The following MALRD1 variants were observed in gnomAD, a reference collection of about 807,000 sequenced individuals.
MALRD1 encodes MAM and LDL-receptor class A domain-containing protein 1.
A neutral mutation model predicts 242.1 loss-of-function variants in MALRD1; 247 were observed. That is an observed-to-expected ratio of 1.02 (90% CI 0.92 to 1.13). The LOEUF (loss-of-function observed/expected upper bound fraction) is 1.13. Among genes scored for constraint, MALRD1 ranks in the 50% most tolerant of loss-of-function variants. The pLI, the probability that MALRD1 is intolerant of heterozygous loss-of-function variation, is 0.00. For missense variants in MALRD1, 2,989 were observed against 2,533.1 expected, an observed-to-expected ratio of 1.18 and a Z score of -3.86; for synonymous variants, 995 against 866.6, an observed-to-expected ratio of 1.15 and a Z score of -2.60.
chr10:19,350,557 G>A (rs539928649), intron 25 of MALRD1, among the ~76,000 whole-genome samples: 1 of 152,196 alleles, frequency 6.6e-6, no homozygotes, highest in African/African-American at 2.4e-5. Context: ...GATTACAGGT[G>A]TGAGCCACCG....
chr10:19,351,906 A>T, intron 25 of MALRD1, 100 bp from the exon 26 acceptor site: 2 of 1,119,484 alleles, frequency 1.8e-6, no homozygotes, highest in Non-Finnish European at 2.5e-6. Context: ...TCCTCCAGAA[A>T]TCTGTTAATA....
chr10:19,264,166 CT>C (rs1285059035), intron 19 of MALRD1, among the ~76,000 whole-genome samples: 1 of 152,048 alleles, frequency 6.6e-6, no homozygotes, highest in East Asian at 1.9e-4. Flanking sequence ...TGTCAAATGC[CT>C]TTTCTACATT....
chr10:19,165,850 C>T, intron 13 of MALRD1, 40 bp downstream of exon 13: 2 of 1,216,268 alleles, frequency 1.6e-6, no homozygotes, highest in Non-Finnish European at 2.1e-6. Flanking sequence ...ACAGAAGACA[C>T]TTATTTAATG....
At chr10:19,169,097 C>T (rs1200359492) in intron 13 of MALRD1, among the ~76,000 whole-genome samples, 1 of 152,058 alleles carries the variant, frequency 6.6e-6, no homozygotes, top group African/African-American at 2.4e-5. Flanking sequence ...AGAGGCAAAA[C>T]CCAAGCTGCC....
At chr10:19,240,228 A>T (rs117818862) in intron 18 of MALRD1, among the ~76,000 whole-genome samples, 6,532 of 151,994 alleles carry the variant, frequency 0.043, 187 homozygotes, top group Middle Eastern at 0.072. Flanking sequence ...ATTTATCTGC[A>T]GATTTCTTGG....
intron 1 of MALRD1, among the ~76,000 whole-genome samples, chr10:19,056,822 G>A (rs1834683424): frequency 6.6e-6 from 1 of 151,952 alleles, no homozygotes; most frequent in South Asian, 2.1e-4. Flanking sequence ...GCTCCCTGTT[G>A]GTCATATGGC....
intron 21 of MALRD1, among the ~76,000 whole-genome samples, chr10:19,288,164 G>C (rs1050927569): frequency 6.6e-6 from 1 of 151,730 alleles, no homozygotes; most frequent in Non-Finnish European, 1.5e-5. Context: ...GAAACCTCTA[G>C]TTTTAATTTT....
chr10:19,441,693 C>T (rs1055980690), intron 28 of MALRD1, among the ~76,000 whole-genome samples: 3 of 152,244 alleles, frequency 2.0e-5, no homozygotes, highest in East Asian at 1.9e-4. Context: ...TGGTCTATAT[C>T]TGTTTTTTGG....
intron 36 of MALRD1, among the ~76,000 whole-genome samples, chr10:19,655,672 T>G (rs1303759520): frequency 6.6e-6 from 1 of 151,096 alleles, no homozygotes; most frequent in Non-Finnish European, 1.5e-5. Flanking sequence ...CGAAAAAAAA[T>G]ACCACTAGGA....
intron 28 of MALRD1, among the ~76,000 whole-genome samples, chr10:19,434,774 A>G (rs2130959619): frequency 6.6e-6 from 1 of 152,098 alleles, no homozygotes; most frequent in African/African-American, 2.4e-5. Context: ...CATGGCAGTG[A>G]TTAGGGCCAC....
intron 18 of MALRD1, among the ~76,000 whole-genome samples, chr10:19,252,156 A>G (rs1303574416): frequency 1.3e-5 from 2 of 152,006 alleles, no homozygotes; most frequent in Non-Finnish European, 2.9e-5. Flanking sequence ...GCAGCTGACA[A>G]CCTTGGTGTG....
chr10:19,483,206 GA>G (rs34970025), intron 29 of MALRD1, among the ~76,000 whole-genome samples: 119,721 of 148,564 alleles, frequency 0.81, 48,339 homozygotes, highest in East Asian at 0.99. Context: ...AAGAATCCTA[GA>G]AAAAAAAAAA....
At chr10:19,280,244 T>A in intron 20 of MALRD1, 21 bp downstream of exon 20, 2 of 1,462,594 alleles carry the variant, frequency 1.4e-6, no homozygotes, top group Non-Finnish European at 1.8e-6. Context: ...TCTTAAAATT[T>A]GTTTAAATAC....
At chr10:19,409,687 A>G (rs897025382) in intron 28 of MALRD1, among the ~76,000 whole-genome samples, 1 of 152,158 alleles carries the variant, frequency 6.6e-6, no homozygotes. Context: ...ACTGGATAAA[A>G]GATATTTTGA....
intron 12 of MALRD1, among the ~76,000 whole-genome samples, chr10:19,163,339 A>G (rs773408803): frequency 1.6e-4 from 25 of 152,094 alleles, no homozygotes; most frequent in Admixed American, 1.2e-3. Context: ...GAACAAGATC[A>G]TGTCTTTTGT....
At chr10:19,199,379 A>G (rs1002281339) in intron 14 of MALRD1, among the ~76,000 whole-genome samples, 1 of 152,218 alleles carries the variant, frequency 6.6e-6, no homozygotes, top group Non-Finnish European at 1.5e-5. Flanking sequence ...ATTTAACTTA[A>G]TAGAAGCTGT....
At chr10:19,520,982 A>G (rs1286775232) in intron 31 of MALRD1, among the ~76,000 whole-genome samples, 2 of 152,172 alleles carry the variant, frequency 1.3e-5, no homozygotes, top group African/African-American at 4.8e-5. Context: ...AATACTTAAC[A>G]AATGTTTCAA....
In MALRD1 at chr10:19,088,152, TGTC is replaced by T; in HGVS notation, c.565_567del (p.Val189del). Reference sequence around the variant, plus strand: ...CACTCCCAAATCAGTGGGAGAGAAATGTCATCAAAATCCAGAGTTCACAGAGAT... The same window carrying T: ...CACTCCCAAATCAGTGGGAGAGAAATATCAAAATCCAGAGTTCACAGAGAT... On this transcript the variant is annotated inframe_deletion, in exon 4 of 40. Transcript: ENST00000454679. 1 of 1,233,410 alleles carries T rather than the reference TGTC, an allele frequency of 8.1e-7. No homozygotes were observed. Among genetic ancestry groups the T allele is most frequent in the African/African-American group, 1.5e-5 (1 of 64,548 alleles). 76.4% of individuals were successfully genotyped at this position (1,233,410 alleles called of 1,614,324 possible). A position where few individuals can be genotyped will look rare whatever the true frequency, so the allele number is the denominator to read the frequency against.
At position 19,491,558 on chromosome 10, in the gene MALRD1, T is replaced by G. The variant is rs2131219388; in HGVS notation, c.5071T>G (p.Leu1691Val). The change falls in exon 30 of 40, where the codon TTG (leucine) becomes GTG (valine). Residue 1691 changes from leucine to valine, a missense_variant. Physicochemically the swap from Leu to Val is conservative, Grantham distance 32. Transcript: ENST00000454679. ...SELCPEITDF[L>V]CRDKKCIASH... is the part of the protein sequence containing the mutation. ...GCTTTGTCCGGAAATCACTGATTTT[T>G]TGTGCCGGGACAAGAAGTGCATTGC... 1 of 1,550,282 alleles carries G rather than the reference T, an allele frequency of 6.5e-7. No homozygotes were observed. Among genetic ancestry groups the G allele is most frequent in the South Asian group, 1.2e-5 (1 of 84,066 alleles).
Sources: gnomAD v4.1 joint callset for allele counts (sites outside exome capture counted in the v4.1 genomes callset) on GRCh38, gnomAD v4.1.1 for gene constraint, MANE v1.5 for transcripts, NCBI Gene and HGNC (gene_info 2026-07-23, HGNC 2026-07-21) for gene names.